Variants in PCDHGA4 observed in about 807,000 individuals in gnomAD.
PCDHGA4 encodes the protein protocadherin gamma subfamily A, 4.
A neutral mutation model predicts 54.6 loss-of-function variants in PCDHGA4; 38 were observed. That is an observed-to-expected ratio of 0.70 (90% CI 0.54 to 0.91). PCDHGA4 has a LOEUF of 0.91. Ranked by LOEUF, PCDHGA4 falls within the 40% of genes least tolerant of loss-of-function variation. The pLI, the probability that PCDHGA4 is intolerant of heterozygous loss-of-function variation, is 0.00. For missense variants in PCDHGA4, 1,298 were observed against 1,220.9 expected (o/e 1.06, Z -0.94); for synonymous variants, 511 against 512.9 (o/e 1.00, Z 0.05).
At chr5:141,507,557 C>T (rs959957585) in intron 3 of PCDHGA4, among the ~76,000 whole-genome samples, 5 of 152,250 alleles carry the variant, frequency 3.3e-5, no homozygotes, top group Middle Eastern at 3.4e-3. Flanking sequence ...AAGTGGCAGG[C>T]GGCTGGGTCT....
At chr5:141,376,598 T>C (rs1266574901) in intron 1 of PCDHGA4, 35 of 1,542,956 alleles carry the variant, frequency 2.3e-5, no homozygotes, top group Admixed American at 1.7e-4. Context: ...TCGGCTGTTA[T>C]AGAAGCGAAC....
At chr5:141,403,163 A>G (rs1357883715) in intron 1 of PCDHGA4, 1 of 1,614,052 alleles carries the variant, frequency 6.2e-7, no homozygotes, top group Admixed American at 1.7e-5. Context: ...CTCTAGAGGT[A>G]GGACGCAGCT....
intron 1 of PCDHGA4, chr5:141,371,345 T>A: frequency 6.2e-7 from 1 of 1,613,878 alleles, no homozygotes; most frequent in Non-Finnish European, 8.5e-7. Context: ...GCTACACAAT[T>A]GGGGTGGAAG....
rs757468959 is a variant in PCDHGA4, at chr5:141,395,139, G to A, written c.2514+37518G>A. On this transcript the variant is annotated intron_variant, in intron 1 of 3. Coordinates refer to ENST00000571252, the MANE Select transcript of PCDHGA4 (RefSeq NM_018917.4). ...CCTGATCTTTCCCCAGCCCAACTAC[G>A]CAGACATGCTCATCAGTCAGGAGGG... 10 of 1,614,026 alleles carry A rather than the reference G, an allele frequency of 6.2e-6. No homozygotes were observed. In the East Asian group the frequency reaches 1.3e-4, roughly 22 times the overall value.
chr5:141,499,677 T>C (rs2099793326), intron 2 of PCDHGA4, among the ~76,000 whole-genome samples: 1 of 151,690 alleles, frequency 6.6e-6, no homozygotes, highest in African/African-American at 2.4e-5. Flanking sequence ...CTCCACCATC[T>C]TTAACAGATG....
At chr5:141,503,010 A>AT (rs199924715) in intron 2 of PCDHGA4, among the ~76,000 whole-genome samples, 26,593 of 146,658 alleles carry the variant, frequency 0.18, 2,532 homozygotes, top group Admixed American at 0.29. Context: ...TGCCCGGTTA[A>AT]TTTTTTTTTT....
At chr5:141,446,837 T>G (rs2098518039) in intron 1 of PCDHGA4, among the ~76,000 whole-genome samples, 1 of 152,168 alleles carries the variant, frequency 6.6e-6, no homozygotes, top group South Asian at 2.1e-4. Flanking sequence ...CTTATAAGGC[T>G]GAGCATAATA....
chr5:141,423,746 T>G, intron 1 of PCDHGA4: 2 of 384,794 alleles, frequency 5.2e-6, no homozygotes, highest in Non-Finnish European at 6.6e-6. Flanking sequence ...TTATGAAAAC[T>G]GTTTGGGGGG....
chr5:141,477,158 A>G lies in PCDHGA4; in HGVS notation c.2515-17649A>G, dbSNP rs1476516538. 1.2e-6 allele frequency: 2 copies of G among 1,614,154 alleles called. No individual in the cohort carries two copies. Among genetic ancestry groups the G allele is most frequent in the Non-Finnish European group, 1.7e-6 (2 of 1,180,018 alleles). ...GGTGGAGGTTGTGGATGTGAATGACAACGCCCCGGAGATCACAGTCACCTC... is the reference window on the plus strand; with the variant it reads ...GGTGGAGGTTGTGGATGTGAATGACGACGCCCCGGAGATCACAGTCACCTC... On this transcript the variant is annotated intron_variant, in intron 1 of 3. Coordinates refer to ENST00000571252, the MANE Select transcript of PCDHGA4 (RefSeq NM_018917.4). This position sits in a 1 kb window ranked among gnomAD's most constrained non-coding sequence, Gnocchi z 4.9.
chr5:141,419,981 A>G (rs2096455772), intron 1 of PCDHGA4: 2 of 1,613,934 alleles, frequency 1.2e-6, no homozygotes, highest in East Asian at 2.2e-5. Flanking sequence ...CCTCGCGGTG[A>G]TTCTAGCTAT....
At chr5:141,413,299 G>T in intron 1 of PCDHGA4, 1 of 1,613,966 alleles carries the variant, frequency 6.2e-7, no homozygotes, top group Non-Finnish European at 8.5e-7. Flanking sequence ...AATTCCTGAG[G>T]AATTAGAGAA....
intron 1 of PCDHGA4, chr5:141,423,758 G>GA: frequency 1.1e-5 from 4 of 366,840 alleles, no homozygotes; most frequent in South Asian, 8.5e-5. Flanking sequence ...TTTGGGGGGG[G>GA]GGTGGGGCGG....
intron 1 of PCDHGA4, chr5:141,422,047 A>G: frequency 6.2e-7 from 1 of 1,611,610 alleles, no homozygotes; most frequent in Non-Finnish European, 8.5e-7. Context: ...AGACGAGGGA[A>G]TCAACGGGGA....
intron 1 of PCDHGA4, among the ~76,000 whole-genome samples, chr5:141,444,312 C>G (rs2098431691): frequency 6.6e-6 from 1 of 151,856 alleles, no homozygotes; most frequent in Non-Finnish European, 1.5e-5. Flanking sequence ...GCTAGGATTA[C>G]AGGCATGTGC....
Position 141,485,428 on chromosome 5 carries a change from C to T in PCDHGA4, c.2515-9379C>T, listed in dbSNP as rs2099613200. Reference sequence around the variant, plus strand: ...TGGATTTGGACAGCGGAGCCCTGCTCATCAAGAACCCAATCGACCGAGAGG... The same window carrying T: ...TGGATTTGGACAGCGGAGCCCTGCTTATCAAGAACCCAATCGACCGAGAGG... On this transcript the variant is annotated intron_variant, in intron 1 of 3. Transcript: ENST00000571252. The surrounding 1 kb of genome is among the most constrained non-coding windows in gnomAD (Gnocchi z 5.7). The T allele has an allele frequency of 2.5e-6, 4 of 1,614,160 alleles. No homozygotes were observed. The highest frequency in any genetic ancestry group is 3.4e-6 in the Non-Finnish European group (4 of 1,180,022).
At chr5:141,509,872 G>A (rs968745661) in intron 3 of PCDHGA4, among the ~76,000 whole-genome samples, 1 of 152,166 alleles carries the variant, frequency 6.6e-6, no homozygotes, top group Non-Finnish European at 1.5e-5. Context: ...CCAAGCTGCT[G>A]GTGGTGATGG....
intron 1 of PCDHGA4, among the ~76,000 whole-genome samples, chr5:141,480,976 T>G (rs1485868136): frequency 6.6e-6 from 1 of 152,108 alleles, no homozygotes; most frequent in Non-Finnish European, 1.5e-5. Context: ...GGAGAATCAG[T>G]GAACCCAGGA....
intron 1 of PCDHGA4, chr5:141,395,534 G>T: frequency 8.7e-6 from 3 of 344,098 alleles, no homozygotes; most frequent in East Asian, 5.8e-5. Context: ...TGGTAATTTT[G>T]CTATTGTTTG....
intron 1 of PCDHGA4, among the ~76,000 whole-genome samples, chr5:141,401,410 A>T (rs536817103): frequency 2.6e-5 from 4 of 152,354 alleles, no homozygotes; most frequent in African/African-American, 9.6e-5. Context: ...TGAGAGAGAA[A>T]GAGAGAGACT....
Sources: allele counts gnomAD v4.1 joint callset (sites outside exome capture counted in the v4.1 genomes callset), GRCh38; gene constraint gnomAD v4.1.1; non-coding constraint Gnocchi (gnomAD v3.1); transcripts MANE v1.5; gene names NCBI Gene and HGNC (gene_info 2026-07-23, HGNC 2026-07-21).